ABAT: variants seen among roughly 807,000 people sequenced by gnomAD.
ABAT encodes the protein 4-aminobutyrate aminotransferase.
A neutral mutation model predicts 64.6 loss-of-function variants in ABAT; 45 were observed. That is an observed-to-expected ratio of 0.70 (90% CI 0.55 to 0.89). ABAT has a LOEUF of 0.89. Among genes scored for constraint, ABAT ranks in the 40% least tolerant of loss-of-function variants. The pLI is 0.00. For missense variants in ABAT, 633 were observed against 658.4 expected (o/e 0.96, Z 0.42); for synonymous variants, 297 against 250.5 (o/e 1.19, Z -1.75).
intron 5 of ABAT, among the ~76,000 whole-genome samples, chr16:8,756,977 G>C (rs916879311): frequency 6.6e-6 from 1 of 152,138 alleles, no homozygotes; most frequent in East Asian, 1.9e-4. Flanking sequence ...GCAGGATGAG[G>C]CATGCGGGTC....
chr16:8,706,283 A>G lies in ABAT; in HGVS notation c.-41-29416A>G, dbSNP rs536513379. On this transcript the variant is annotated intron_variant, in intron 1 of 15. Coordinates refer to ENST00000268251, the MANE Select transcript of ABAT (RefSeq NM_020686.6). ...AAATTAGCCAGGCATGGTGGCACAC[A>G]CCAGTAGTCCCAGCCGAGAGGCTGA... Among the ~76,000 whole-genome samples, 116 of 151,116 alleles carry G rather than the reference A, an allele frequency of 7.7e-4. 2 individuals carry two copies. Among genetic ancestry groups the G allele is most frequent in the African/African-American group, 2.6e-3 (109 of 41,332 alleles).
intron 2 of ABAT, chr16:8,737,563 A>G (rs2058984990): frequency 6.6e-6 from 1 of 152,114 alleles, no homozygotes; most frequent in Admixed American, 6.6e-5. Flanking sequence ...GGGAGAACCC[A>G]TATGGCCCTC....
At chr16:8,703,812 T>C (rs1039246351) in intron 1 of ABAT, among the ~76,000 whole-genome samples, 1 of 152,210 alleles carries the variant, frequency 6.6e-6, no homozygotes, top group Non-Finnish European at 1.5e-5. Context: ...AGACAGTAAG[T>C]ATTTTTGGCA....
At chr16:8,771,962 G>A (rs1273418) in intron 11 of ABAT, among the ~76,000 whole-genome samples, 130,721 of 151,908 alleles carry the variant, frequency 0.86, 57,045 homozygotes, top group East Asian at 1. Flanking sequence ...CATGAACCGC[G>A]CTATGTTGCA....
In ABAT at chr16:8,775,069, C is replaced by T. The variant is rs201229281; in HGVS notation, c.1122+12C>T. 1.1e-5 allele frequency: 18 copies of T among 1,614,188 alleles called. No individual in the cohort carries two copies. In the East Asian group the frequency reaches 3.8e-4, roughly 34 times the overall value. ...TCAGGCCTAATGCTGTGAGTTGGAG[C>T]CAACCTTCTCTCTACATCCAGGGCA... On this transcript the variant is annotated intron_variant, in intron 13 of 15. Coordinates refer to ENST00000268251, the MANE Select transcript of ABAT (RefSeq NM_020686.6).
At chr16:8,721,105 C>G (rs1259256096) in intron 1 of ABAT, among the ~76,000 whole-genome samples, 1 of 152,158 alleles carries the variant, frequency 6.6e-6, no homozygotes, top group African/African-American at 2.4e-5. Context: ...GAAACTGAGG[C>G]ACAGAGACGT....
At chr16:8,734,517 C>T (rs146296739) in intron 1 of ABAT, among the ~76,000 whole-genome samples, 33 of 152,312 alleles carry the variant, frequency 2.2e-4, no homozygotes, top group Middle Eastern at 3.4e-3. Flanking sequence ...CACTTAACCT[C>T]TCTGTGCCTC....
chr16:8,685,066 C>T (rs993311146), intron 1 of ABAT, among the ~76,000 whole-genome samples: 1 of 152,044 alleles, frequency 6.6e-6, no homozygotes, highest in Non-Finnish European at 1.5e-5. Flanking sequence ...GGACAGATTG[C>T]TTGAGCTCAG....
chr16:8,734,263 G>A (rs1259156831), intron 1 of ABAT, among the ~76,000 whole-genome samples: 1 of 152,138 alleles, frequency 6.6e-6, no homozygotes, highest in Non-Finnish European at 1.5e-5. Context: ...TGATGCCCTT[G>A]TTTATGTTAT....
rs559986246 is a variant in ABAT, at chr16:8,746,120, G to A, written c.168+22G>A. On this transcript the variant is annotated intron_variant, in intron 3 of 15. Transcript: ENST00000268251. ...TCAGGTGAGTTGAGCACACCTGAGT[G>A]GGGTATTTTGGAAAAGGGAAAAAGG... 14 of 1,593,084 alleles carry A rather than the reference G, an allele frequency of 8.8e-6. No homozygotes were observed. In the African/African-American group the frequency reaches 1.9e-4, roughly 21 times the overall value.
intron 1 of ABAT, among the ~76,000 whole-genome samples, chr16:8,709,201 T>G (rs1461312674): frequency 6.6e-6 from 1 of 151,668 alleles, no homozygotes; most frequent in Non-Finnish European, 1.5e-5. Context: ...ATTAATTTCT[T>G]TATTTTCAGT....
chr16:8,676,575 T>C (rs1226151515), intron 1 of ABAT, among the ~76,000 whole-genome samples: 1 of 152,218 alleles, frequency 6.6e-6, no homozygotes, highest in Non-Finnish European at 1.5e-5. Flanking sequence ...GCATCCCTGC[T>C]TACCCCGTGC....
chr16:8,770,362 C>A (rs930594006), intron 11 of ABAT, among the ~76,000 whole-genome samples: 18 of 152,180 alleles, frequency 1.2e-4, no homozygotes, highest in African/African-American at 4.3e-4. Flanking sequence ...TGGTCTCGAT[C>A]TCCTGACCTT....
chr16:8,745,050 A>G (rs1291287063), intron 2 of ABAT, among the ~76,000 whole-genome samples: 1 of 151,992 alleles, frequency 6.6e-6, no homozygotes, highest in African/African-American at 2.4e-5. Flanking sequence ...TGCTGTAATC[A>G]TGGCTCACTG....
intron 1 of ABAT, among the ~76,000 whole-genome samples, chr16:8,699,165 C>G (rs370220315): frequency 9.2e-5 from 14 of 152,198 alleles, no homozygotes; most frequent in Admixed American, 5.9e-4. Context: ...CGCCCCAGAT[C>G]AAATGTGGGA....
At chr16:8,682,174 T>G (rs1353175264) in intron 1 of ABAT, among the ~76,000 whole-genome samples, 1 of 140,526 alleles carries the variant, frequency 7.1e-6, no homozygotes, top group Non-Finnish European at 1.5e-5. Flanking sequence ...AGATTGCTTG[T>G]GCCTAACAGG....
At chr16:8,753,317 G>T (rs1485324309) in intron 5 of ABAT, among the ~76,000 whole-genome samples, 1 of 151,942 alleles carries the variant, frequency 6.6e-6, no homozygotes, top group Non-Finnish European at 1.5e-5. Flanking sequence ...GGATGGTCTC[G>T]ATCTTCTGAC....
chr16:8,750,853 C>T (rs1307187065), intron 5 of ABAT, among the ~76,000 whole-genome samples: 1 of 152,028 alleles, frequency 6.6e-6, no homozygotes, highest in African/African-American at 2.4e-5. Flanking sequence ...AATGCAAACC[C>T]ATCTGTGTGA....
chr16:8,732,282 A>AGGG (rs1485682558), intron 1 of ABAT, among the ~76,000 whole-genome samples: 2 of 146,766 alleles, frequency 1.4e-5, no homozygotes, highest in Non-Finnish European at 3.0e-5. Context: ...GGGATTTGGC[A>AGGG]GGGTCATAGG....
Sources: gnomAD v4.1 joint callset for allele counts (sites outside exome capture counted in the v4.1 genomes callset) on GRCh38, gnomAD v4.1.1 for gene constraint, MANE v1.5 for transcripts, NCBI Gene and HGNC (gene_info 2026-07-23, HGNC 2026-07-21) for gene names.